The following CDC34 variants were observed in gnomAD, a reference collection of about 807,000 sequenced individuals.
CDC34 encodes the protein ubiquitin-conjugating enzyme E2 R1.
CDC34 carries 18 observed loss-of-function variants against 26.8 expected under a neutral mutation model. The ratio of observed to expected loss-of-function variants is 0.67; its 90% CI spans 0.47 to 1.00. The LOEUF is 1.00. CDC34 is among the 50% of genes least tolerant of loss of function. The probability of loss-of-function intolerance (pLI) is 0.00; values close to 1 mark genes in which losing one functional copy is unlikely to be tolerated. For synonymous variants in CDC34, 178 were observed against 147.5 expected, an observed-to-expected ratio of 1.21 and a Z score of -1.50; for missense variants, 280 against 334.5, an observed-to-expected ratio of 0.84 and a Z score of 1.27.
At chr19:532,473 C>G (rs940229929) in intron 1 of CDC34, among the ~76,000 whole-genome samples, 2 of 152,196 alleles carry the variant, frequency 1.3e-5, no homozygotes, top group African/African-American at 4.8e-5. Flanking sequence ...CCCCGGCTGC[C>G]TCCCCCTCCG....
chr19:535,091 C>T (rs1028588851), intron 1 of CDC34, among the ~76,000 whole-genome samples: 3 of 152,254 alleles, frequency 2.0e-5, no homozygotes, highest in East Asian at 1.9e-4. Flanking sequence ...GGTGGCATCA[C>T]GCCCCAGGCT....
intron 3 of CDC34, chr19:536,742 T>C (rs892203): frequency 0.98 from 543,544 of 555,442 alleles, 265,992 homozygotes; most frequent in East Asian, 1. Context: ...GAGTGTAGTC[T>C]AGGCAGGACG....
intron 1 of CDC34, among the ~76,000 whole-genome samples, chr19:534,292 C>CA (rs1209828983): frequency 6.6e-6 from 1 of 152,078 alleles, no homozygotes; most frequent in Non-Finnish European, 1.5e-5. Flanking sequence ...CCCTGTCAAA[C>CA]AGAGGACACC....
chr19:538,051 G>GT (rs1477362082), intron 4 of CDC34, among the ~76,000 whole-genome samples: 1 of 152,170 alleles, frequency 6.6e-6, no homozygotes, highest in Non-Finnish European at 1.5e-5. Flanking sequence ...TGTGTGCCCA[G>GT]TGACTGACTG....
intron 4 of CDC34, among the ~76,000 whole-genome samples, chr19:540,725 C>T (rs1415990535): frequency 1.8e-4 from 12 of 67,714 alleles, no homozygotes; most frequent in South Asian, 9.2e-4. Context: ...GGTGGCCAGG[C>T]CCCCGGGTTT....
intron 1 of CDC34, among the ~76,000 whole-genome samples, chr19:534,906 T>TGCCC: frequency 6.6e-6 from 1 of 151,896 alleles, no homozygotes; most frequent in East Asian, 1.9e-4. Flanking sequence ...ACCCCCTGAG[T>TGCCC]GCCCTCCCTG....
chr19:532,461 G>T (rs1372422798), intron 1 of CDC34, among the ~76,000 whole-genome samples: 1 of 152,188 alleles, frequency 6.6e-6, no homozygotes, highest in East Asian at 1.9e-4. Flanking sequence ...GCGGGGGCTG[G>T]ACCCCGGCTG....
At chr19:537,692 C>G (rs1487204702) in intron 4 of CDC34, among the ~76,000 whole-genome samples, 1 of 105,250 alleles carries the variant, frequency 9.5e-6, no homozygotes, top group African/African-American at 3.5e-5. Flanking sequence ...GTTATACTCT[C>G]TTGCCTAGGC....
At chr19:533,124 C>G (rs1005405735) in intron 1 of CDC34, among the ~76,000 whole-genome samples, 1 of 152,206 alleles carries the variant, frequency 6.6e-6, no homozygotes, top group African/African-American at 2.4e-5. Flanking sequence ...CCAGACGTGA[C>G]CTTTGACTTC....
At position 532,061 on chromosome 19, in the gene CDC34, G is replaced by T; in HGVS notation, c.130G>T (p.Ala44Ser). Residue 44 changes from alanine to serine, a missense_variant, in exon 1 of 5, where the codon GCC (alanine) becomes TCC (serine). Ala to Ser is a moderately conservative substitution (Grantham distance 99). Coordinates refer to ENST00000215574, the MANE Select transcript of CDC34 (RefSeq NM_004359.2). ...DEGDLYNWEV[A>S]IFGPPNTYYE... ...GGGCGATCTATACAACTGGGAGGTG[G>T]CCATCTTCGGGCCCCCCAACACCTA... The T allele has an allele frequency of 6.6e-7, 1 of 1,521,910 alleles. No individual in the cohort carries two copies. The allele number at this position is 1,521,910 out of a possible 1,614,324, so 94.3% of individuals were successfully genotyped here.
rs540799993 is a variant in CDC34 at position 535,677 on chromosome 19, C to T, written c.178-160C>T. On this transcript the variant is annotated intron_variant, in intron 1 of 4. Coordinates refer to ENST00000215574, the MANE Select transcript of CDC34 (RefSeq NM_004359.2). ...TTCAGGCAGCCTTCTGGGGACTTGA[C>T]CCCAGGCCTGTGAGAGTCCCTGCCT... 9.8e-5 allele frequency among the ~76,000 whole-genome samples: 15 copies of T among 152,346 alleles called. No individual in the cohort carries two copies. The South Asian group carries it at 3.1e-3, about 32-fold the overall frequency.
intron 1 of CDC34, among the ~76,000 whole-genome samples, chr19:534,550 A>C (rs1233785075): frequency 1.0e-5 from 1 of 97,196 alleles, no homozygotes; most frequent in East Asian, 3.4e-4. Flanking sequence ...AAGACCCCCG[A>C]GTACCCTCCC....
Position 535,117 on chromosome 19 carries a change from C to G in CDC34, c.178-720C>G, listed in dbSNP as rs570894238. ...GCCCCAGGCTGCAGGCCAGACAGCT[C>G]TGTCACCTGGCACGTGGCTTCAGGC... On this transcript the variant is annotated intron_variant, in intron 1 of 4. Coordinates refer to ENST00000215574, the MANE Select transcript of CDC34 (RefSeq NM_004359.2). 1.5e-3 allele frequency among the ~76,000 whole-genome samples: 221 copies of G among 152,354 alleles called. 1 individual carries two copies. Among genetic ancestry groups the G allele is most frequent in the Non-Finnish European group, 2.7e-3 (184 of 68,026 alleles).
chr19:537,026 A>T lies in CDC34; in HGVS notation c.376A>T (p.Ser126Cys). Reference protein sequence around the residue: ...PTQNVRTILLSVISLLNEPNT... With the variant: ...PTQNVRTILLCVISLLNEPNT... The stretch of plus-strand genomic sequence containing the variant: ...CTCTCCCCACAGGACCATTCTCCTG[A>T]GTGTGATCTCCCTCCTGAACGAGCC... Residue 126 changes from serine (S) to cysteine (C), a missense_variant, in exon 4 of 5, where the codon AGT (serine) becomes TGT (cysteine). Coordinates refer to ENST00000215574, the MANE Select transcript of CDC34 (RefSeq NM_004359.2). The T allele has an allele frequency of 6.2e-7, 1 of 1,613,682 alleles. No homozygotes were observed. The highest frequency in any genetic ancestry group is 8.5e-7 in the Non-Finnish European group (1 of 1,179,972).
chr19:540,655 G>A (rs562321325), intron 4 of CDC34, among the ~76,000 whole-genome samples: 780 of 28,988 alleles, frequency 0.027, 258 homozygotes, highest in African/African-American at 0.13. Context: ...CAGGCCCCCC[G>A]GGTTTAGAAT....
chr19:539,341 A>G (rs1300860702), intron 4 of CDC34, among the ~76,000 whole-genome samples: 1 of 133,134 alleles, frequency 7.5e-6, no homozygotes, highest in Admixed American at 7.4e-5. Flanking sequence ...TCCCCGGGGC[A>G]CCGTCACCCC....
At chr19:537,202 C>G (rs879042464) in intron 4 of CDC34, 55 bp downstream of exon 4, 2 of 1,593,668 alleles carry the variant, frequency 1.3e-6, no homozygotes, top group East Asian at 2.2e-5. Flanking sequence ...GCCTGCACCC[C>G]GGCCCCTGGT....
chr19:532,109 G>T lies in CDC34; in HGVS notation c.177+1G>T. On this transcript the variant is annotated splice_donor_variant, in intron 1 of 4. Transcript: ENST00000215574. LOFTEE classifies it high-confidence loss of function. ...CTACTACGAGGGCGGCTACTTCAAGGTGAGCGCGGCGACCCCCGCCCGGGT... is the reference window on the plus strand; with the variant it reads ...CTACTACGAGGGCGGCTACTTCAAGTTGAGCGCGGCGACCCCCGCCCGGGT... 6.7e-7 allele frequency: 1 copy of T among 1,502,300 alleles called. No individual in the cohort carries two copies. Among genetic ancestry groups the T allele is most frequent in the Non-Finnish European group, 8.8e-7 (1 of 1,135,530 alleles). The allele number at this position is 1,502,300 out of a possible 1,614,324, so 93.1% of individuals were successfully genotyped here.
At position 536,890 on chromosome 19, in the gene CDC34, A is replaced by G; in HGVS notation, c.363-123A>G. 5.7e-6 allele frequency: 6 copies of G among 1,052,180 alleles called. No homozygotes were observed. In the South Asian group the frequency reaches 7.0e-5, roughly 12 times the overall value. 65.2% of individuals were successfully genotyped at this position (1,052,180 alleles called of 1,614,324 possible). A position where few individuals can be genotyped will look rare whatever the true frequency, so the allele number is the denominator to read the frequency against. ...GGGGCCTGAGACAGAAGCAGAGGCC[A>G]TGAGGCCAGGTGAAGGTCACCTGCT... On this transcript the variant is annotated intron_variant, in intron 3 of 4. Transcript: ENST00000215574.
Sources: allele counts gnomAD v4.1 joint callset (sites outside exome capture counted in the v4.1 genomes callset), GRCh38; gene constraint gnomAD v4.1.1; transcripts MANE v1.5; gene names NCBI Gene and HGNC (gene_info 2026-07-23, HGNC 2026-07-21).